The following PPIL3 variants were observed in gnomAD, a reference collection of about 807,000 sequenced individuals.
PPIL3 encodes the protein peptidylprolyl isomerase like 3, also known as peptidyl-prolyl cis-trans isomerase-like 3.
PPIL3 carries 13 observed loss-of-function variants against 20.9 expected under a neutral mutation model. The observed-to-expected ratio is 0.62, with a 90% CI of 0.40 to 0.99. The LOEUF (loss-of-function observed/expected upper bound fraction) is 0.99, where lower values mean the gene tolerates loss of function less well. PPIL3 is among the 50% of genes least tolerant of loss of function. The probability of loss-of-function intolerance (pLI) is 0.00; values close to 1 mark genes in which losing one functional copy is unlikely to be tolerated. For synonymous variants in PPIL3, 71 were observed against 64.4 expected, an observed-to-expected ratio of 1.10 and a Z score of -0.49; for missense variants, 170 against 195.2, an observed-to-expected ratio of 0.87 and a Z score of 0.77.
At chr2:200,878,391 ATT>A (rs760527328) in intron 5 of PPIL3, among the ~76,000 whole-genome samples, 21 of 128,694 alleles carry the variant, frequency 1.6e-4, no homozygotes, top group Middle Eastern at 3.6e-3. Flanking sequence ...TCATTTTTTC[ATT>A]TTTTTTTTTT....
At chr2:200,883,754 C>T (rs75858405) in intron 3 of PPIL3, among the ~76,000 whole-genome samples, 5,254 of 152,194 alleles carry the variant, frequency 0.035, 232 homozygotes, top group African/African-American at 0.1. Context: ...TAGCCTTTCA[C>T]GAATAATGGG....
At chr2:200,873,482 G>A (rs1327495027) in intron 6 of PPIL3, among the ~76,000 whole-genome samples, 2 of 151,798 alleles carry the variant, frequency 1.3e-5, no homozygotes, top group East Asian at 1.9e-4. Context: ...GAGCCACCAC[G>A]TCTGGCCTAA....
chr2:200,887,379 C>CAA lies in PPIL3; in HGVS notation c.3+232_3+233dup, dbSNP rs770510276. 4.0e-3 allele frequency among the ~76,000 whole-genome samples: 203 copies of CAA among 50,720 alleles called. 1 individual carries two copies. Among genetic ancestry groups the CAA allele is most frequent in the African/African-American group, 0.01 (158 of 15,616 alleles). 33.3% of individuals were successfully genotyped at this position (50,720 alleles called of 152,430 possible). Reference sequence around the variant, plus strand: ...CAGCCTGGGAGACAAGAGTGAAACTCAAAAAAAAAAAAAAAAAAAAAGGTA... The same window carrying CAA: ...CAGCCTGGGAGACAAGAGTGAAACTCAAAAAAAAAAAAAAAAAAAAAAAGGTA... On this transcript the variant is annotated intron_variant, in intron 2 of 6. Transcript: ENST00000392283.
intron 5 of PPIL3, among the ~76,000 whole-genome samples, 170 bp from the exon 6 acceptor site, chr2:200,877,207 T>A (rs562168789): frequency 6.6e-6 from 1 of 152,280 alleles, no homozygotes. Context: ...GTGATCCTCC[T>A]GCCTTAGCTT....
chr2:200,882,315 T>C (rs999131693), intron 4 of PPIL3, 27 bp downstream of exon 4: 1 of 1,396,276 alleles, frequency 7.2e-7, no homozygotes, highest in Non-Finnish European at 1.0e-6. Context: ...TTCAGTTCCT[T>C]AGATCTTGGT....
intron 2 of PPIL3, 144 bp downstream of exon 2, chr2:200,887,469 G>A: frequency 1.3e-4 from 39 of 310,012 alleles, no homozygotes; most frequent in South Asian, 9.5e-4. Flanking sequence ...TTTTTTAAAA[G>A]AATTATTCCA....
At chr2:200,871,907 C>T (rs2039318367) in intron 6 of PPIL3, among the ~76,000 whole-genome samples, 1 of 152,196 alleles carries the variant, frequency 6.6e-6, no homozygotes, top group Non-Finnish European at 1.5e-5. Context: ...TTCTCCAATT[C>T]TCTGGGTATC....
chr2:200,874,673 G>A (rs2105759367), intron 6 of PPIL3, among the ~76,000 whole-genome samples: 1 of 152,234 alleles, frequency 6.6e-6, no homozygotes, highest in Admixed American at 6.5e-5. Flanking sequence ...AAATAAGAGG[G>A]AAACTGGGTT....
chr2:200,874,204 CAA>C (rs767177492), intron 6 of PPIL3, among the ~76,000 whole-genome samples: 27 of 65,612 alleles, frequency 4.1e-4, no homozygotes, highest in Non-Finnish European at 3.8e-4. Flanking sequence ...GACTCTGTCT[CAA>C]AAAAAAAAAA....
intron 3 of PPIL3, among the ~76,000 whole-genome samples, chr2:200,882,872 C>A (rs1244140002): frequency 3.3e-5 from 5 of 150,500 alleles, no homozygotes; most frequent in African/African-American, 1.2e-4. Flanking sequence ...TGCACTCCAG[C>A]CCGGGCGACA....
At chr2:200,881,914 T>C (rs532633875) in intron 4 of PPIL3, 3 of 213,660 alleles carry the variant, frequency 1.4e-5, no homozygotes, top group East Asian at 2.7e-4. Context: ...GATGAGATCA[T>C]GTCCTTTGCA....
intron 6 of PPIL3, among the ~76,000 whole-genome samples, chr2:200,872,975 A>C (rs1009543694): frequency 6.6e-6 from 1 of 151,398 alleles, no homozygotes; most frequent in Non-Finnish European, 1.5e-5. Context: ...GGGTTCAAGC[A>C]ATTCTCCTGC....
intron 5 of PPIL3, 46 bp from the exon 6 acceptor site, chr2:200,877,083 T>C (rs200869819): frequency 8.1e-7 from 1 of 1,234,160 alleles, no homozygotes. Flanking sequence ...TATATAACCA[T>C]CCCAAATATA....
intron 3 of PPIL3, chr2:200,885,392 A>C (rs1221505751): frequency 3.0e-6 from 1 of 338,856 alleles, no homozygotes; most frequent in African/African-American, 2.1e-5. Flanking sequence ...ATAATAAATA[A>C]ATAAAAAAAA....
intron 6 of PPIL3, among the ~76,000 whole-genome samples, chr2:200,873,537 A>C (rs1334343669): frequency 5.3e-5 from 8 of 152,152 alleles, no homozygotes; most frequent in Non-Finnish European, 1.0e-4. Flanking sequence ...ACAAGAAGTA[A>C]TAAAAATAGG....
At chr2:200,878,934 G>A (rs2039615853) in intron 5 of PPIL3, among the ~76,000 whole-genome samples, 1 of 151,966 alleles carries the variant, frequency 6.6e-6, no homozygotes, top group African/African-American at 2.4e-5. Flanking sequence ...TACAATCAGT[G>A]GACATTTGGG....
chr2:200,872,394 G>A (rs1164410532), intron 6 of PPIL3, among the ~76,000 whole-genome samples: 1 of 152,006 alleles, frequency 6.6e-6, no homozygotes, highest in Non-Finnish European at 1.5e-5. Context: ...CCTGTTTAGG[G>A]TTTTTACGGA....
At position 200,880,528 on chromosome 2, in the gene PPIL3, C is replaced by T. The variant is rs115854435; in HGVS notation, c.240+893G>A. Among the ~76,000 whole-genome samples the T allele has an allele frequency of 3.1e-3, 463 of 151,194 alleles. 3 individuals are homozygous for T. The highest frequency in any genetic ancestry group is 0.011 in the African/African-American group (438 of 41,042). Reference sequence around the variant, plus strand: ...CCTCTTGAGTAGCTGGGACTACAGGCACACGCCACTATAACAGGCTAATAT... The same window carrying T: ...CCTCTTGAGTAGCTGGGACTACAGGTACACGCCACTATAACAGGCTAATAT... On this transcript the variant is annotated intron_variant, in intron 5 of 6. Coordinates refer to ENST00000392283, the MANE Select transcript of PPIL3 (RefSeq NM_130906.3).
chr2:200,872,293 TGA>T (rs1350961156), intron 6 of PPIL3, among the ~76,000 whole-genome samples: 1 of 152,076 alleles, frequency 6.6e-6, no homozygotes, highest in African/African-American at 2.4e-5. Context: ...GGGCAAAGTC[TGA>T]GAGAGGGGCA....
Sources: gnomAD v4.1 joint callset for allele counts (sites outside exome capture counted in the v4.1 genomes callset) on GRCh38, gnomAD v4.1.1 for gene constraint, MANE v1.5 for transcripts, NCBI Gene and HGNC (gene_info 2026-07-23, HGNC 2026-07-21) for gene names.